The following PCED1B variants were observed in gnomAD, a reference collection of about 807,000 sequenced individuals.
PCED1B encodes PC-esterase domain-containing protein 1B.
For missense variants in PCED1B, 573 were observed against 573.9 expected (o/e 1.00, Z 0.02); for synonymous variants, 251 against 246.1 (o/e 1.02, Z -0.19).
At chr12:47,088,347 A>G (rs1938088495) in intron 1 of PCED1B, among the ~76,000 whole-genome samples, 1 of 152,176 alleles carries the variant, frequency 6.6e-6, no homozygotes, top group Admixed American at 6.5e-5. Flanking sequence ...ACCAGAGTCC[A>G]GCAGGTCCTC....
intron 2 of PCED1B, among the ~76,000 whole-genome samples, chr12:47,126,754 A>C (rs996578281): frequency 6.6e-6 from 1 of 152,158 alleles, no homozygotes; most frequent in Non-Finnish European, 1.5e-5. Context: ...GAATTCATCT[A>C]TGTCATCTAA....
chr12:47,160,384 C>T lies in PCED1B; in HGVS notation c.-525-55838C>T, dbSNP rs140048938. On this transcript the variant is annotated intron_variant, in intron 2 of 3. Coordinates refer to ENST00000546455, the MANE Select transcript of PCED1B (RefSeq NM_138371.3). ...GTGCAATCACAGCCCACTGAAGCCTCGAACACTTGGCCTCAAGCACAATCC... is the reference window on the plus strand; with the variant it reads ...GTGCAATCACAGCCCACTGAAGCCTTGAACACTTGGCCTCAAGCACAATCC... Among the ~76,000 whole-genome samples, 756 of 142,490 alleles carry T rather than the reference C, an allele frequency of 5.3e-3. 4 individuals carry two copies. Among genetic ancestry groups the T allele is most frequent in the African/African-American group, 0.018 (688 of 38,540 alleles). 93.5% of individuals were successfully genotyped at this position (142,490 alleles called of 152,430 possible).
rs111440556 is a variant in PCED1B, at chr12:47,179,253, G to C, written c.-525-36969G>C. Among the ~76,000 whole-genome samples the C allele has an allele frequency of 6.6e-3, 1,010 of 152,242 alleles. 6 individuals are homozygous for C. Among genetic ancestry groups the C allele is most frequent in the African/African-American group, 0.024 (984 of 41,556 alleles). ...GCCAATGTTATTTAGTTTCAATTAAGAAAACTAATATGGAGCTTAAACTAC... is the reference window on the plus strand; with the variant it reads ...GCCAATGTTATTTAGTTTCAATTAACAAAACTAATATGGAGCTTAAACTAC... On this transcript the variant is annotated intron_variant, in intron 2 of 3. Coordinates refer to ENST00000546455, the MANE Select transcript of PCED1B (RefSeq NM_138371.3).
intron 1 of PCED1B, among the ~76,000 whole-genome samples, chr12:47,103,454 G>A (rs184185401): frequency 2.0e-5 from 3 of 152,294 alleles, no homozygotes; most frequent in East Asian, 3.9e-4. Context: ...ATGAAGTCAC[G>A]AGTTGCACAA....
intron 2 of PCED1B, among the ~76,000 whole-genome samples, chr12:47,162,126 G>C (rs1033010191): frequency 5.3e-5 from 8 of 151,778 alleles, no homozygotes; most frequent in Admixed American, 4.6e-4. Flanking sequence ...GGTGGTGGGG[G>C]GGGGAAGGAT....
chr12:47,146,463 G>GA (rs1217717995), intron 2 of PCED1B, among the ~76,000 whole-genome samples: 3 of 152,098 alleles, frequency 2.0e-5, no homozygotes, highest in Admixed American at 6.5e-5. Context: ...GCATGCTACA[G>GA]AAAAAAATCT....
Position 47,235,386 on chromosome 12 carries a change from A to G in PCED1B, c.323A>G (p.Glu108Gly). Residue 108 changes from glutamate to glycine, a missense_variant, in exon 4 of 4, where the codon GAG becomes GGG. Coordinates refer to ENST00000546455, the MANE Select transcript of PCED1B (RefSeq NM_138371.3). The stretch of plus-strand genomic sequence containing the variant: ...GATTACCTCCAGACCATCTTGAAAG[A>G]GCTGCAGTCGGGCGAGCACGCCCCC... ...YSDYLQTILK[E>G]LQSGEHAPDL... 1 of 1,614,164 alleles carries G rather than the reference A, an allele frequency of 6.2e-7. No homozygotes were observed. The highest frequency in any genetic ancestry group is 8.5e-7 in the Non-Finnish European group (1 of 1,180,038).
intron 2 of PCED1B, among the ~76,000 whole-genome samples, chr12:47,181,265 A>G (rs1282552364): frequency 6.6e-6 from 1 of 152,026 alleles, no homozygotes; most frequent in Non-Finnish European, 1.5e-5. Flanking sequence ...CACTATACAC[A>G]TTAGCCACTG....
At chr12:47,179,659 A>G (rs763963347) in intron 2 of PCED1B, among the ~76,000 whole-genome samples, 4 of 152,164 alleles carry the variant, frequency 2.6e-5, no homozygotes, top group Non-Finnish European at 4.4e-5. Flanking sequence ...AATTCTGAAC[A>G]TCACTTCTCA....
chr12:47,143,254 T>C (rs1176950063), intron 2 of PCED1B, among the ~76,000 whole-genome samples: 1 of 152,092 alleles, frequency 6.6e-6, no homozygotes, highest in Non-Finnish European at 1.5e-5. Context: ...TGCATCTAAA[T>C]TGGAATGATA....
At chr12:47,205,222 A>C (rs1163323079) in intron 2 of PCED1B, among the ~76,000 whole-genome samples, 2 of 152,178 alleles carry the variant, frequency 1.3e-5, no homozygotes, top group African/African-American at 4.8e-5. Flanking sequence ...CACTGAATCA[A>C]TTCCTGGATG....
chr12:47,172,460 G>A (rs1941783646), intron 2 of PCED1B, among the ~76,000 whole-genome samples: 2 of 151,242 alleles, frequency 1.3e-5, no homozygotes, highest in Non-Finnish European at 2.9e-5. Flanking sequence ...TGGGTGACAG[G>A]GTGAGACCCT....
chr12:47,209,249 T>G (rs1943005325), intron 2 of PCED1B: 1 of 152,094 alleles, frequency 6.6e-6, no homozygotes, highest in Non-Finnish European at 1.5e-5. Flanking sequence ...CCCTGCAGGG[T>G]GGTTTTAAAG....
At chr12:47,208,866 A>G (rs1034515987) in intron 2 of PCED1B, 3 of 152,408 alleles carry the variant, frequency 2.0e-5, no homozygotes, top group African/African-American at 7.2e-5. Context: ...TAATCCCAAC[A>G]TTCTGAGAGG....
At chr12:47,118,051 A>AT (rs112418720) in intron 2 of PCED1B, among the ~76,000 whole-genome samples, 14,210 of 151,802 alleles carry the variant, frequency 0.094, 1,147 homozygotes, top group African/African-American at 0.22. Context: ...GGGTTGTTTG[A>AT]TTTTTTGTTG....
intron 2 of PCED1B, chr12:47,187,796 G>C (rs555760008): frequency 1.3e-5 from 2 of 154,116 alleles, no homozygotes; most frequent in South Asian, 2.0e-4. Flanking sequence ...GTGATATATG[G>C]GTTAAAGGAA....
At chr12:47,112,388 C>A (rs1939237351) in intron 2 of PCED1B, among the ~76,000 whole-genome samples, 1 of 152,108 alleles carries the variant, frequency 6.6e-6, no homozygotes. Context: ...TAAGTAAGAT[C>A]CATTTTAATA....
rs758347631 is a variant in PCED1B, at chr12:47,236,154, A to G, written c.1091A>G (p.His364Arg). Residue 364 changes from histidine (H) to arginine (R), a missense_variant, in exon 4 of 4, where the codon CAT becomes CGT. Physicochemically the swap from His to Arg is conservative, Grantham distance 29. Transcript: ENST00000546455. Reference sequence around the variant, plus strand: ...CATTCAGATGTCCCCTCATCAGCCCATGCAGGTTTCTTCGTCGAAGACAAT... The same window carrying G: ...CATTCAGATGTCCCCTCATCAGCCCGTGCAGGTTTCTTCGTCGAAGACAAT... ...YCHSDVPSSA[H>R]AGFFVEDNFM... 1.1e-5 allele frequency: 18 copies of G among 1,613,902 alleles called. No homozygotes were observed. In the African/African-American group the frequency reaches 2.4e-4, roughly 22 times the overall value.
At chr12:47,215,082 T>G (rs1943209966) in intron 2 of PCED1B, among the ~76,000 whole-genome samples, 1 of 152,014 alleles carries the variant, frequency 6.6e-6, no homozygotes, top group South Asian at 2.1e-4. Flanking sequence ...TGGGACCTTC[T>G]GTAGTCATGC....
Sources: allele counts gnomAD v4.1 joint callset (sites outside exome capture counted in the v4.1 genomes callset), GRCh38; gene constraint gnomAD v4.1.1; transcripts MANE v1.5; gene names NCBI Gene and HGNC (gene_info 2026-07-23, HGNC 2026-07-21).